The following ACYP2 variants were observed in gnomAD, a reference collection of about 807,000 sequenced individuals.
ACYP2 encodes the protein acylphosphatase-2.
ACYP2 carries 12 observed loss-of-function variants against 11.2 expected under a neutral mutation model. That is an observed-to-expected ratio of 1.08 (90% CI 0.69 to 1.74). ACYP2 has a LOEUF of 1.74. ACYP2 is among the 40% of genes most tolerant of loss of function. The pLI, the probability that ACYP2 is intolerant of heterozygous loss-of-function variation, is 0.00. For missense variants in ACYP2, 134 were observed against 101.9 expected, an observed-to-expected ratio of 1.31 and a Z score of -1.35; for synonymous variants, 43 against 32.2, an observed-to-expected ratio of 1.33 and a Z score of -1.13.
chr2:53,990,219 C>G (rs1672221278), intron 2 of ACYP2, among the ~76,000 whole-genome samples: 1 of 151,830 alleles, frequency 6.6e-6, no homozygotes, highest in Non-Finnish European at 1.5e-5. Context: ...CCTCAAGTGA[C>G]TTACCCGCCT....
chr2:54,143,561 G>A (rs552642251), intron 6 of ACYP2, among the ~76,000 whole-genome samples: 2 of 152,144 alleles, frequency 1.3e-5, no homozygotes, highest in East Asian at 3.9e-4. Context: ...AGCCTCCCGA[G>A]TAGCTGGGAT....
At chr2:53,976,051 G>T (rs1399654308) in intron 2 of ACYP2, among the ~76,000 whole-genome samples, 2 of 152,132 alleles carry the variant, frequency 1.3e-5, no homozygotes, top group Non-Finnish European at 2.9e-5. Context: ...TGTCTTTGAT[G>T]TGCTTATTGG....
At chr2:54,090,476 C>G (rs1678166508) in intron 4 of ACYP2, among the ~76,000 whole-genome samples, 1 of 152,062 alleles carries the variant, frequency 6.6e-6, no homozygotes, top group South Asian at 2.1e-4. Context: ...TAAAAAAATA[C>G]AAAAATTAGC....
chr2:53,999,825 A>G (rs1371969607), intron 2 of ACYP2, among the ~76,000 whole-genome samples: 1 of 152,182 alleles, frequency 6.6e-6, no homozygotes, highest in Non-Finnish European at 1.5e-5. Context: ...CCTCTCTCCC[A>G]TGATCAAATT....
chr2:54,136,222 G>A (rs2103777490), intron 5 of ACYP2, among the ~76,000 whole-genome samples: 1 of 152,114 alleles, frequency 6.6e-6, no homozygotes, highest in Admixed American at 6.6e-5. Flanking sequence ...TTAACTTTTA[G>A]TAGAGACAGG....
chr2:54,255,068 A>G (rs763698462), intron 6 of ACYP2: 88 of 1,613,970 alleles, frequency 5.5e-5, no homozygotes, highest in Non-Finnish European at 7.3e-5. Context: ...ATCCTGTCGG[A>G]CTCTGGAAGG....
At chr2:54,290,099 G>C (rs746690935) in intron 6 of ACYP2, among the ~76,000 whole-genome samples, 5 of 152,046 alleles carry the variant, frequency 3.3e-5, no homozygotes, top group Non-Finnish European at 7.3e-5. Flanking sequence ...GGCTGTCAGG[G>C]CTTCGCTTTA....
intron 4 of ACYP2, among the ~76,000 whole-genome samples, chr2:54,068,435 A>G (rs989368788): frequency 1.3e-5 from 2 of 152,212 alleles, no homozygotes; most frequent in Admixed American, 1.3e-4. Flanking sequence ...GGGAATAAAG[A>G]AAATCAGTCT....
intron 6 of ACYP2, among the ~76,000 whole-genome samples, chr2:54,281,011 T>C (rs1299110205): frequency 6.6e-6 from 1 of 152,218 alleles, no homozygotes; most frequent in Non-Finnish European, 1.5e-5. Context: ...TTTATCTCTA[T>C]GAGGCTAGGT....
chr2:54,241,769 T>G (rs545341934), intron 6 of ACYP2, among the ~76,000 whole-genome samples: 1 of 152,208 alleles, frequency 6.6e-6, no homozygotes, highest in Non-Finnish European at 1.5e-5. Flanking sequence ...TCCCAGCACT[T>G]TGGGAGGCCA....
At chr2:54,070,088 T>A (rs1051958453) in intron 4 of ACYP2, among the ~76,000 whole-genome samples, 2 of 151,974 alleles carry the variant, frequency 1.3e-5, no homozygotes, top group African/African-American at 4.8e-5. Flanking sequence ...CTGACCAACA[T>A]GGAAAAACCT....
At chr2:54,029,581 G>T (rs1160738208) in intron 2 of ACYP2, 5 of 392,724 alleles carry the variant, frequency 1.3e-5, no homozygotes, top group Non-Finnish European at 2.4e-5. Context: ...TGGTGCTTCA[G>T]TTGAATCCAG....
At chr2:54,201,645 T>TCTTA (rs1684815421) in intron 6 of ACYP2, among the ~76,000 whole-genome samples, 1 of 91,302 alleles carries the variant, frequency 1.1e-5, no homozygotes, top group Non-Finnish European at 2.3e-5. Context: ...TCTCTTTCTT[T>TCTTA]CTTTCTTTCT....
intron 2 of ACYP2, among the ~76,000 whole-genome samples, chr2:54,011,448 T>G (rs1179941954): frequency 6.6e-6 from 1 of 152,202 alleles, no homozygotes; most frequent in Non-Finnish European, 1.5e-5. Flanking sequence ...TTGTGTTACA[T>G]TTTCCTCCAT....
At chr2:54,091,764 G>C (rs368560866) in intron 4 of ACYP2, among the ~76,000 whole-genome samples, 225 of 152,080 alleles carry the variant, frequency 1.5e-3, no homozygotes, top group African/African-American at 5.2e-3. Flanking sequence ...CACCCGTCTC[G>C]GCCTCCCAAA....
At chr2:54,018,486 A>T (rs1197189390) in intron 2 of ACYP2, among the ~76,000 whole-genome samples, 2 of 151,154 alleles carry the variant, frequency 1.3e-5, no homozygotes, top group Non-Finnish European at 2.9e-5. Flanking sequence ...TTGTTGCCAG[A>T]TGAACAGAAT....
rs542198204 is a variant in ACYP2 at position 54,102,548 on chromosome 2, G to C, written c.278-32905G>C. On this transcript the variant is annotated intron_variant, in intron 4 of 6. Transcript: ENST00000607452. ...CTTAGCTAAGGAGGTCTAGAGGAACGAGACATCTTTGTTGTCTCTGATTTA... is the reference window on the plus strand; with the variant it reads ...CTTAGCTAAGGAGGTCTAGAGGAACCAGACATCTTTGTTGTCTCTGATTTA... Among the ~76,000 whole-genome samples, 12 of 140,924 alleles carry C rather than the reference G, an allele frequency of 8.5e-5. No individual in the cohort carries two copies. In the South Asian group the frequency reaches 2.7e-3, roughly 32 times the overall value. The allele number at this position is 140,924 out of a possible 152,430, so 92.5% of individuals were successfully genotyped here.
At chr2:54,257,151 A>C (rs781123427) in intron 6 of ACYP2, among the ~76,000 whole-genome samples, 29 of 152,028 alleles carry the variant, frequency 1.9e-4, no homozygotes, top group Non-Finnish European at 3.8e-4. Flanking sequence ...AGACGGGAGG[A>C]TCAGTTGAGC....
At chr2:54,091,468 G>C (rs771785331) in intron 4 of ACYP2, among the ~76,000 whole-genome samples, 6 of 151,274 alleles carry the variant, frequency 4.0e-5, no homozygotes, top group Non-Finnish European at 7.4e-5. Flanking sequence ...GTCCCTCTTA[G>C]AGCACATCTC....
Sources: gnomAD v4.1 joint callset for allele counts (sites outside exome capture counted in the v4.1 genomes callset) on GRCh38, gnomAD v4.1.1 for gene constraint, MANE v1.5 for transcripts, NCBI Gene and HGNC (gene_info 2026-07-23, HGNC 2026-07-21) for gene names.